The following GIT2 variants were observed in gnomAD, a reference collection of about 807,000 sequenced individuals.
GIT2 encodes GIT ArfGAP 2.
GIT2 carries 32 observed loss-of-function variants against 100.3 expected under a neutral mutation model. The observed-to-expected ratio is 0.32, with a 90% CI of 0.24 to 0.43. The LOEUF is 0.43. Among genes scored for constraint, GIT2 ranks in the 20% least tolerant of loss-of-function variants. The probability of loss-of-function intolerance (pLI) is 1.00; values close to 1 mark genes in which losing one functional copy is unlikely to be tolerated. For synonymous variants in GIT2, 353 were observed against 364.1 expected (o/e 0.97, Z 0.35); for missense variants, 737 against 975.1 (o/e 0.76, Z 3.25).
chr12:109,961,743 AG>A, intron 9 of GIT2, 58 bp from the exon 10 acceptor site: 1 of 1,007,066 alleles, frequency 9.9e-7, no homozygotes, highest in Non-Finnish European at 1.6e-6. Context: ...GGAGGACAAG[AG>A]GGAACTGCGA....
intron 7 of GIT2, among the ~76,000 whole-genome samples, chr12:109,972,425 CAT>C (rs1446056893): frequency 6.6e-6 from 1 of 151,756 alleles, no homozygotes; most frequent in Non-Finnish European, 1.5e-5. Context: ...GATATGATTA[CAT>C]AGTTTTTCGT....
intron 7 of GIT2, among the ~76,000 whole-genome samples, chr12:109,970,665 C>A (rs1444603524): frequency 6.6e-6 from 1 of 152,224 alleles, no homozygotes; most frequent in African/African-American, 2.4e-5. Flanking sequence ...ATATCACAGT[C>A]TTGAGAACTG....
At chr12:109,944,376 C>T (rs1875685068) in intron 16 of GIT2, among the ~76,000 whole-genome samples, 1 of 152,158 alleles carries the variant, frequency 6.6e-6, no homozygotes, top group Admixed American at 6.5e-5. Flanking sequence ...ATTACCCTTC[C>T]ATTAAAAAAG....
chr12:109,941,882 T>C (rs1435532193), intron 16 of GIT2, among the ~76,000 whole-genome samples: 1 of 151,724 alleles, frequency 6.6e-6, no homozygotes, highest in Non-Finnish European at 1.5e-5. Context: ...CTAAGTGCAG[T>C]GGTACAATCT....
chr12:109,966,830 T>C, intron 8 of GIT2, among the ~76,000 whole-genome samples: 1 of 152,240 alleles, frequency 6.6e-6, no homozygotes, highest in East Asian at 1.9e-4. Flanking sequence ...CATCTGCTCT[T>C]ATAGACCAGG....
chr12:109,971,744 G>T (rs1481407572), intron 7 of GIT2, among the ~76,000 whole-genome samples: 1 of 151,818 alleles, frequency 6.6e-6, no homozygotes, highest in Non-Finnish European at 1.5e-5. Flanking sequence ...TGTAATCCCA[G>T]CACTTTGGGA....
Position 109,986,850 on chromosome 12 carries a change from G to C in GIT2, c.405+2113C>G, listed in dbSNP as rs185519619. 2.4e-4 allele frequency among the ~76,000 whole-genome samples: 36 copies of C among 151,414 alleles called. 1 individual carries two copies. The highest frequency in any genetic ancestry group is 7.8e-4 in the African/African-American group (32 of 41,226). On this transcript the variant is annotated intron_variant, in intron 4 of 19. Coordinates refer to ENST00000355312, the MANE Select transcript of GIT2 (RefSeq NM_057169.5). ...CACGTGCCTGTAATCCCAGCTACTT[G>C]GGAGGCTGAGGCAGGAGAATCACTT...
chr12:109,955,731 T>G (rs1245199832), intron 12 of GIT2, among the ~76,000 whole-genome samples: 2 of 152,082 alleles, frequency 1.3e-5, no homozygotes, highest in African/African-American at 4.8e-5. Context: ...CTTTTTTTAT[T>G]GAGACAGGGT....
chr12:109,935,845 G>A (rs1017487778), intron 18 of GIT2, among the ~76,000 whole-genome samples: 3 of 152,170 alleles, frequency 2.0e-5, no homozygotes, highest in African/African-American at 7.2e-5. Flanking sequence ...TCCTCCACAC[G>A]ATAGAAAAGC....
At chr12:109,987,569 T>C (rs1472504817) in intron 4 of GIT2, among the ~76,000 whole-genome samples, 1 of 151,720 alleles carries the variant, frequency 6.6e-6, no homozygotes, top group Non-Finnish European at 1.5e-5. Flanking sequence ...TGGGCTCAAG[T>C]CATCCTCCAA....
intron 4 of GIT2, 115 bp downstream of exon 4, chr12:109,988,848 C>CAAAAA (rs59956597): frequency 3.9e-5 from 8 of 204,948 alleles, no homozygotes; most frequent in African/African-American, 5.9e-5. Context: ...GACTCTGTCT[C>CAAAAA]AAAAAAAAAA....
upstream of GIT2, chr12:109,998,931 A>T (rs1185593368): frequency 6.6e-6 from 1 of 152,258 alleles, no homozygotes; most frequent in Non-Finnish European, 1.5e-5. Context: ...GAGGTTGAGA[A>T]ATCATGAAGT....
chr12:109,955,269 G>A (rs1199695779), intron 12 of GIT2, among the ~76,000 whole-genome samples: 3 of 151,650 alleles, frequency 2.0e-5, no homozygotes, highest in Admixed American at 6.6e-5. Flanking sequence ...GACTACAAGC[G>A]CCCGCCACCA....
At chr12:109,999,698 G>A, upstream of GIT2, 1 of 1,536,386 alleles carries the variant, frequency 6.5e-7, no homozygotes, top group Non-Finnish European at 8.8e-7. The surrounding 1 kb of genome is among the most constrained non-coding windows in gnomAD (Gnocchi z 4.3). Flanking sequence ...CATGTCCTCG[G>A]CCTGCGACGC....
intron 4 of GIT2, among the ~76,000 whole-genome samples, chr12:109,986,299 C>A (rs1019460674): frequency 2.0e-5 from 3 of 152,224 alleles, no homozygotes; most frequent in African/African-American, 7.2e-5. Context: ...AAACTCTTAA[C>A]AAAATATTAG....
rs542767916 is a variant in GIT2, at chr12:109,961,245, A to G, written c.987+33T>C. ...TGAAACATGACATCAGCCATTCCCC[A>G]ACTACTATTCCTTTCCAAACTGAGC... is the stretch of plus-strand genomic sequence containing the variant. On this transcript the variant is annotated intron_variant, in intron 11 of 19. Coordinates refer to ENST00000355312, the MANE Select transcript of GIT2 (RefSeq NM_057169.5). 5.1e-6 allele frequency: 6 copies of G among 1,171,546 alleles called. No individual in the cohort carries two copies. In the Admixed American group the frequency reaches 1.0e-4, roughly 20 times the overall value. The allele number at this position is 1,171,546 out of a possible 1,614,324, so 72.6% of individuals were successfully genotyped here.
Position 109,962,312 on chromosome 12 carries a change from C to T in GIT2, c.817-627G>A, listed in dbSNP as rs1186764051. Among the ~76,000 whole-genome samples, 1 of 151,586 alleles carries T rather than the reference C, an allele frequency of 6.6e-6. No homozygotes were observed. Among genetic ancestry groups the T allele is most frequent in the African/African-American group, 2.4e-5 (1 of 41,384 alleles). On this transcript the variant is annotated intron_variant, in intron 9 of 19. Transcript: ENST00000355312. The surrounding 1 kb of genome is among the most constrained non-coding windows in gnomAD (Gnocchi z 4.3). ...AGGCTGCAGTGAGCCAAGATCACAC[C>T]ACTGCACTCCAGGCTGGGTGACAGA...
intron 17 of GIT2, 46 bp downstream of exon 17, chr12:109,939,119 G>A: frequency 8.8e-7 from 1 of 1,140,782 alleles, no homozygotes; most frequent in South Asian, 1.2e-5. Context: ...CCAGGTCTCT[G>A]GCCCTGGGGA....
chr12:109,991,478 G>T, intron 2 of GIT2, 149 bp downstream of exon 2: 1 of 638,244 alleles, frequency 1.6e-6, no homozygotes. Context: ...GATAATATTT[G>T]TAAATAGCAT....
Sources: gnomAD v4.1 joint callset for allele counts (sites outside exome capture counted in the v4.1 genomes callset) on GRCh38, gnomAD v4.1.1 for gene constraint, Gnocchi (gnomAD v3.1) non-coding constraint, MANE v1.5 for transcripts, NCBI Gene and HGNC (gene_info 2026-07-23, HGNC 2026-07-21) for gene names.